CEP70: variants seen among roughly 807,000 people sequenced by gnomAD.
CEP70 encodes centrosomal protein 70.
A neutral mutation model predicts 90.9 loss-of-function variants in CEP70; 70 were observed. The ratio of observed to expected loss-of-function variants is 0.77; its 90% confidence interval spans 0.64 to 0.94. CEP70 has a LOEUF of 0.94. CEP70 is among the 40% of genes least tolerant of loss of function. The pLI, the probability that CEP70 is intolerant of heterozygous loss-of-function variation, is 0.00. For synonymous variants in CEP70, 220 were observed against 228.3 expected, an observed-to-expected ratio of 0.96 and a Z score of 0.33; for missense variants, 648 against 669.0, an observed-to-expected ratio of 0.97 and a Z score of 0.35.
At chr3:138,512,157 A>C (rs2035594966) in intron 11 of CEP70, among the ~76,000 whole-genome samples, 1 of 152,178 alleles carries the variant, frequency 6.6e-6, no homozygotes, top group South Asian at 2.1e-4. Context: ...TGGGCCAAAG[A>C]AGCTGAGGTT....
chr3:138,497,890 G>A lies in CEP70; in HGVS notation c.1732+141C>T, dbSNP rs116852071. 2,860 of 1,489,194 alleles carry A rather than the reference G, an allele frequency of 1.9e-3. 86 individuals carry two copies. In the East Asian group the frequency reaches 0.061, roughly 32 times the overall value. The allele number at this position is 1,489,194 out of a possible 1,614,324, so 92.2% of individuals were successfully genotyped here. ...TAATCCAAACAAACTCTAACTGCTT[G>A]TAAGGAATGTGTTTCCAGAACTGTT... On this transcript the variant is annotated intron_variant, in intron 17 of 17. Transcript: ENST00000264982.
intron 11 of CEP70, among the ~76,000 whole-genome samples, chr3:138,510,665 C>T (rs779704267): frequency 2.3e-4 from 35 of 152,208 alleles, no homozygotes; most frequent in South Asian, 2.1e-3. Flanking sequence ...AAACTGATGG[C>T]ATACTCAAAT....
rs577982954 is a variant in CEP70 at position 138,497,506 on chromosome 3, T to A, written c.1732+525A>T. The stretch of plus-strand genomic sequence containing the variant: ...TTTGCCTTATGAGTCCTAAGCAAAT[T>A]TTTTCCTTTTAGGAGACACTACTAC... On this transcript the variant is annotated intron_variant, in intron 17 of 17. Coordinates refer to ENST00000264982, the MANE Select transcript of CEP70 (RefSeq NM_024491.4). 284 of 972,404 alleles carry A rather than the reference T, an allele frequency of 2.9e-4. 1 individual carries two copies. In the African/African-American group the frequency reaches 4.8e-3, roughly 17 times the overall value. The allele number at this position is 972,404 out of a possible 1,614,324, so 60.2% of individuals were successfully genotyped here. A position where few individuals can be genotyped will look rare whatever the true frequency, so the allele number is the denominator to read the frequency against.
chr3:138,580,751 A>G (rs1204693092), intron 2 of CEP70, among the ~76,000 whole-genome samples: 1 of 152,146 alleles, frequency 6.6e-6, no homozygotes, highest in Non-Finnish European at 1.5e-5. Context: ...TGTTTTGAGG[A>G]AACTCAAAGA....
chr3:138,549,303 G>A (rs1030355436), intron 6 of CEP70, among the ~76,000 whole-genome samples: 3 of 151,678 alleles, frequency 2.0e-5, no homozygotes, highest in Admixed American at 6.6e-5. Flanking sequence ...GTAGCCTGAG[G>A]CAAATTCTCA....
intron 10 of CEP70, among the ~76,000 whole-genome samples, chr3:138,525,781 G>A (rs1316557482): frequency 6.6e-6 from 1 of 152,004 alleles, no homozygotes; most frequent in Non-Finnish European, 1.5e-5. Context: ...GTTTTTTGCT[G>A]CTAATCTGTT....
intron 7 of CEP70, among the ~76,000 whole-genome samples, chr3:138,535,856 C>T (rs147094168): frequency 1.4e-3 from 213 of 152,024 alleles, no homozygotes; most frequent in African/African-American, 4.9e-3. Context: ...TCTTCCTTAC[C>T]TCTCCTATTT....
At chr3:138,516,193 G>T (rs997691678) in intron 11 of CEP70, among the ~76,000 whole-genome samples, 6 of 152,008 alleles carry the variant, frequency 3.9e-5, no homozygotes, top group African/African-American at 7.3e-5. Flanking sequence ...ATGAGGTCAG[G>T]GACCTTTTCT....
At chr3:138,554,528 ACTG>A in intron 6 of CEP70, among the ~76,000 whole-genome samples, 1 of 152,294 alleles carries the variant, frequency 6.6e-6, no homozygotes, top group Non-Finnish European at 1.5e-5. Context: ...AAGTCGAACT[ACTG>A]CTGTTCACTG....
intron 6 of CEP70, among the ~76,000 whole-genome samples, chr3:138,557,942 A>G (rs893972007): frequency 6.6e-6 from 1 of 152,236 alleles, no homozygotes; most frequent in Non-Finnish European, 1.5e-5. Flanking sequence ...TGTTCTGTAA[A>G]TAATAGACTA....
rs185869754 is a variant in CEP70 at position 138,544,454 on chromosome 3, T to C, written c.466-7107A>G. Among the ~76,000 whole-genome samples the C allele has an allele frequency of 4.2e-4, 63 of 151,782 alleles. No individual in the cohort carries two copies. The Middle Eastern group carries it at 0.017, about 41-fold the overall frequency. On this transcript the variant is annotated intron_variant, in intron 6 of 17. Transcript: ENST00000264982. ...CTAGTACAACTACTATGGAAAACAG[T>C]ATGGAGGTTCCTCAAAAAACTAAAC...
chr3:138,544,069 G>T (rs1576751037), intron 6 of CEP70, among the ~76,000 whole-genome samples: 1 of 152,238 alleles, frequency 6.6e-6, no homozygotes, highest in East Asian at 1.9e-4. Context: ...CAGGAGAATT[G>T]CTTGAGGCCA....
At chr3:138,500,018 C>T in intron 16 of CEP70, 92 bp downstream of exon 16, 3 of 837,618 alleles carry the variant, frequency 3.6e-6, no homozygotes, top group South Asian at 1.4e-5. Flanking sequence ...GTGATCCTCC[C>T]ACATCAGCCT....
chr3:138,525,220 C>T (rs1033192083), intron 11 of CEP70, among the ~76,000 whole-genome samples: 8 of 150,706 alleles, frequency 5.3e-5, no homozygotes, highest in African/African-American at 2.0e-4. Context: ...ACAATGAGAA[C>T]ACATGGACAC....
At position 138,500,381 on chromosome 3, in the gene CEP70, G is replaced by T; in HGVS notation, c.1537+18C>A. 1 of 1,557,312 alleles carries T rather than the reference G, an allele frequency of 6.4e-7. No individual in the cohort carries two copies. Among genetic ancestry groups the T allele is most frequent in the South Asian group, 1.2e-5 (1 of 81,408 alleles). ...AAATTCTTAAATGGGGGCCCAAAAT[G>T]ACAAATTAGGTCATCACCTAATTCT... On this transcript the variant is annotated intron_variant, in intron 15 of 17. Transcript: ENST00000264982.
chr3:138,550,205 A>G (rs1469751669), intron 6 of CEP70, among the ~76,000 whole-genome samples: 1 of 152,214 alleles, frequency 6.6e-6, no homozygotes, highest in Non-Finnish European at 1.5e-5. Context: ...ATCCAAACCA[A>G]GAAGAAATCC....
chr3:138,522,518 G>A (rs563924530), intron 11 of CEP70, among the ~76,000 whole-genome samples: 1 of 151,920 alleles, frequency 6.6e-6, no homozygotes, highest in Non-Finnish European at 1.5e-5. Context: ...TCAAATAGAC[G>A]CAACAAAAAA....
intron 11 of CEP70, among the ~76,000 whole-genome samples, chr3:138,521,426 T>A (rs2036618229): frequency 6.9e-6 from 1 of 144,432 alleles, no homozygotes; most frequent in South Asian, 2.3e-4. Context: ...AGCCGCCCAG[T>A]CTGGGAAGTG....
chr3:138,574,500 A>G (rs1262470414), intron 2 of CEP70, among the ~76,000 whole-genome samples: 1 of 152,172 alleles, frequency 6.6e-6, no homozygotes, highest in East Asian at 1.9e-4. Flanking sequence ...TGTAGACTCC[A>G]CCTCTGGGGG....
Sources: gnomAD v4.1 joint callset for allele counts (sites outside exome capture counted in the v4.1 genomes callset) on GRCh38, gnomAD v4.1.1 for gene constraint, MANE v1.5 for transcripts, NCBI Gene and HGNC (gene_info 2026-07-23, HGNC 2026-07-21) for gene names.